Variants in NABP2 observed in about 807,000 individuals in gnomAD.
The protein encoded by NABP2 is nucleic acid binding protein 2.
NABP2 carries 7 observed loss-of-function variants against 22.7 expected under a neutral mutation model. The ratio of observed to expected loss-of-function variants is 0.31; its 90% CI spans 0.18 to 0.58. The LOEUF (loss-of-function observed/expected upper bound fraction) is 0.58. Ranked by LOEUF, NABP2 falls within the 20% of genes least tolerant of loss-of-function variation. The pLI is 0.89. For synonymous variants in NABP2, 107 were observed against 99.2 expected, an observed-to-expected ratio of 1.08 and a Z score of -0.47; for missense variants, 188 against 265.9, an observed-to-expected ratio of 0.71 and a Z score of 2.04.
At chr12:56,224,212 C>T, upstream of NABP2, 1 of 502,772 alleles carries the variant, frequency 2.0e-6, no homozygotes, top group Non-Finnish European at 2.6e-6. Flanking sequence ...ACCTGAAATT[C>T]GCCCCCTTCG....
chr12:56,228,336 T>C (rs946989585), intron 6 of NABP2, among the ~76,000 whole-genome samples: 2 of 152,074 alleles, frequency 1.3e-5, no homozygotes, highest in African/African-American at 4.8e-5. Flanking sequence ...CTTCAGGCCC[T>C]TCCCCTTGCC....
chr12:56,227,042 A>C (rs1869806788), intron 6 of NABP2, among the ~76,000 whole-genome samples: 1 of 149,766 alleles, frequency 6.7e-6, no homozygotes. Context: ...CAGATATCTT[A>C]GTCCAGTGGA....
upstream of NABP2, chr12:56,224,265 C>A: frequency 6.5e-6 from 6 of 920,100 alleles, no homozygotes; most frequent in Non-Finnish European, 6.5e-6. Flanking sequence ...GCAGGGCAGG[C>A]GGCGGGACGC....
At chr12:56,227,257 T>TTTA (rs1869816673) in intron 6 of NABP2, among the ~76,000 whole-genome samples, 1 of 151,920 alleles carries the variant, frequency 6.6e-6, no homozygotes, top group African/African-American at 2.4e-5. Context: ...GAGCCTGTAA[T>TTTA]CCCAGCTACT....
At chr12:56,227,533 G>A (rs1869830753) in intron 6 of NABP2, among the ~76,000 whole-genome samples, 1 of 152,164 alleles carries the variant, frequency 6.6e-6, no homozygotes, top group African/African-American at 2.4e-5. Context: ...TGCCTTTAGG[G>A]GCTTGTGGTT....
chr12:56,228,633 G>A (rs772119181), intron 6 of NABP2, among the ~76,000 whole-genome samples: 6 of 151,838 alleles, frequency 4.0e-5, no homozygotes, highest in East Asian at 1.9e-4. Flanking sequence ...TGATCCACCC[G>A]CGTCAGCCTC....
At chr12:56,223,166 G>A (rs1869580212), upstream of NABP2, among the ~76,000 whole-genome samples, 1 of 152,194 alleles carries the variant, frequency 6.6e-6, no homozygotes, top group South Asian at 2.1e-4. Context: ...AACCCGGGAG[G>A]CAGAGGTTGC....
chr12:56,227,658 G>A (rs1869835686), intron 6 of NABP2, among the ~76,000 whole-genome samples: 1 of 151,816 alleles, frequency 6.6e-6, no homozygotes, highest in South Asian at 2.1e-4. Flanking sequence ...TTCAAACATT[G>A]AAAATATAAG....
At chr12:56,225,561 G>A (rs749870254) in intron 3 of NABP2, 50 bp downstream of exon 3, 3 of 1,614,048 alleles carry the variant, frequency 1.9e-6, no homozygotes, top group African/African-American at 1.3e-5. Flanking sequence ...ACAATCAAGA[G>A]TGGGGTTAAC....
intron 6 of NABP2, among the ~76,000 whole-genome samples, chr12:56,226,638 T>G (rs1285713894): frequency 7.6e-6 from 1 of 131,536 alleles, no homozygotes; most frequent in African/African-American, 2.8e-5. Context: ...TGATCTCGGC[T>G]CACTGCAACC....
At chr12:56,227,840 A>C (rs923272487) in intron 6 of NABP2, among the ~76,000 whole-genome samples, 1 of 152,142 alleles carries the variant, frequency 6.6e-6, no homozygotes, top group Non-Finnish European at 1.5e-5. Context: ...AAAAATAAAT[A>C]TTTATATACA....
chr12:56,225,348 A>G, intron 2 of NABP2, 25 bp from the exon 3 acceptor site: 3 of 1,613,654 alleles, frequency 1.9e-6, no homozygotes, highest in Non-Finnish European at 2.5e-6. Flanking sequence ...CCATCCTCCC[A>G]CCTCGATTTA....
upstream of NABP2, among the ~76,000 whole-genome samples, chr12:56,222,870 A>G (rs553762148): frequency 3.3e-5 from 5 of 152,340 alleles, no homozygotes; most frequent in African/African-American, 1.2e-4. Context: ...ACAATTTGAC[A>G]GGTCCCAAAA....
In NABP2 at chr12:56,229,355, C is replaced by A; in HGVS notation, c.*142C>A. On this transcript the variant is annotated 3_prime_UTR_variant, in exon 7 of 7. Coordinates refer to ENST00000267023, the MANE Select transcript of NABP2 (RefSeq NM_024068.4). ...GTGGTGAGCAGTGTCCTTATCCACCCTAATCTCATACTCCCTCATTGTCCA... is the reference window on the plus strand; with the variant it reads ...GTGGTGAGCAGTGTCCTTATCCACCATAATCTCATACTCCCTCATTGTCCA... 1 of 810,610 alleles carries A rather than the reference C, an allele frequency of 1.2e-6. No homozygotes were observed. The highest frequency in any genetic ancestry group is 2.0e-6 in the Non-Finnish European group (1 of 507,628). The allele number at this position is 810,610 out of a possible 1,614,324, so 50.2% of individuals were successfully genotyped here.
At position 56,229,375 on chromosome 12, in the gene NABP2, T is replaced by C. The variant is rs374622533; in HGVS notation, c.*162T>C. 14 of 699,664 alleles carry C rather than the reference T, an allele frequency of 2.0e-5. No individual in the cohort carries two copies. In the African/African-American group the frequency reaches 2.3e-4, roughly 12 times the overall value. 43.3% of individuals were successfully genotyped at this position (699,664 alleles called of 1,614,324 possible). A position where few individuals can be genotyped will look rare whatever the true frequency, so the allele number is the denominator to read the frequency against. ...CCACCCTAATCTCATACTCCCTCAT[T>C]GTCCAGCTGAACTACCTGTCCCCTG... On this transcript the variant is annotated 3_prime_UTR_variant, in exon 7 of 7. Transcript: ENST00000267023.
Position 56,229,017 on chromosome 12 carries a change from C to T in NABP2, c.440C>T (p.Ser147Phe), listed in dbSNP as rs1216016884. Residue 147 changes from serine to phenylalanine, a missense_variant, in exon 7 of 7, where the codon TCT becomes TTT. Transcript: ENST00000267023. ...TTTCTTCTCCTCCCACAATTAGCCT[C>T]TGAGAACCAGAATGGGAATGGACTG... ...TTGPSAASPA[S>F]ENQNGNGLSA... 3.1e-6 allele frequency: 5 copies of T among 1,612,348 alleles called. No individual in the cohort carries two copies. The highest frequency in any genetic ancestry group is 1.1e-5 in the South Asian group (1 of 90,620).
At chr12:56,226,889 A>G (rs1172593052) in intron 6 of NABP2, among the ~76,000 whole-genome samples, 1 of 150,900 alleles carries the variant, frequency 6.6e-6, no homozygotes, top group South Asian at 2.1e-4. Flanking sequence ...ATGCCCTGCT[A>G]ATTTTTTGTA....
intron 2 of NABP2, 64 bp downstream of exon 2, chr12:56,224,999 T>C (rs1370779245): frequency 8.2e-7 from 1 of 1,220,362 alleles, no homozygotes; most frequent in Non-Finnish European, 1.2e-6. Flanking sequence ...AAGAACGCTG[T>C]CTGCGTTCTT....
chr12:56,229,087 T>TGGCCAG lies in NABP2; in HGVS notation c.510_511insGGCCAG (p.Thr170_Pro171insGlyGln). On this transcript the variant is annotated inframe_insertion, in exon 7 of 7. Coordinates refer to ENST00000267023, the MANE Select transcript of NABP2 (RefSeq NM_024068.4). ...GTGGTGGCCCACATCCCCCTCATAC[T>TGGCCAG]CCCTCCCACCCACCCAGCACCCGAA... 6.6e-7 allele frequency: 1 copy of TGGCCAG among 1,512,344 alleles called. No homozygotes were observed. The highest frequency in any genetic ancestry group is 9.1e-7 in the Non-Finnish European group (1 of 1,102,012). 93.7% of individuals were successfully genotyped at this position (1,512,344 alleles called of 1,614,324 possible).
Sources: gnomAD v4.1 joint callset for allele counts (sites outside exome capture counted in the v4.1 genomes callset) on GRCh38, gnomAD v4.1.1 for gene constraint, MANE v1.5 for transcripts, NCBI Gene and HGNC (gene_info 2026-07-23, HGNC 2026-07-21) for gene names.